MYO3A: variants seen among roughly 807,000 people sequenced by gnomAD.
MYO3A encodes the protein myosin IIIA.
A neutral mutation model predicts 192.7 loss-of-function variants in MYO3A; 180 were observed. That is an observed-to-expected ratio of 0.93 (90% CI 0.83 to 1.06). The LOEUF is 1.06. Ranked by LOEUF, MYO3A falls within the 50% of genes least tolerant of loss-of-function variation. The pLI, the probability that MYO3A is intolerant of heterozygous loss-of-function variation, is 0.00. For missense variants in MYO3A, 1,896 were observed against 1,905.0 expected (o/e 1.00, Z 0.09); for synonymous variants, 628 against 645.3 (o/e 0.97, Z 0.41).
intron 4 of MYO3A, among the ~76,000 whole-genome samples, chr10:25,972,974 C>A (rs547258163): frequency 6.6e-6 from 1 of 152,120 alleles, no homozygotes; most frequent in Non-Finnish European, 1.5e-5. Context: ...GACAGTTCTT[C>A]TTAGCTGTTT....
At chr10:26,082,738 CTTTCTCTCTCTCTCTT>C (rs1564530749) in intron 14 of MYO3A, among the ~76,000 whole-genome samples, 2 of 138,764 alleles carry the variant, frequency 1.4e-5, no homozygotes, top group African/African-American at 5.1e-5. Flanking sequence ...AATATGGTCT[CTTTCTCTCTCTCTCTT>C]TTTCTCTCTC....
At chr10:26,169,898 T>TC (rs1369770485) in intron 28 of MYO3A, among the ~76,000 whole-genome samples, 2 of 152,162 alleles carry the variant, frequency 1.3e-5, no homozygotes, top group Non-Finnish European at 2.9e-5. Flanking sequence ...AGTTCTTTAC[T>TC]CCCCCAACTT....
At chr10:26,183,740 T>C (rs969081339) in intron 31 of MYO3A, among the ~76,000 whole-genome samples, 2 of 151,964 alleles carry the variant, frequency 1.3e-5, no homozygotes, top group African/African-American at 4.8e-5. Context: ...AGAATGGGGC[T>C]GGGGGTGGCA....
intron 2 of MYO3A, among the ~76,000 whole-genome samples, chr10:25,939,317 A>G (rs1157533685): frequency 6.6e-6 from 1 of 151,910 alleles, no homozygotes; most frequent in East Asian, 1.9e-4. Context: ...AAGAACTATT[A>G]CATTTATGAA....
intron 4 of MYO3A, among the ~76,000 whole-genome samples, chr10:25,977,633 TAAATA>T (rs2130774947): frequency 6.6e-6 from 1 of 152,282 alleles, no homozygotes; most frequent in Non-Finnish European, 1.5e-5. Context: ...CAGTGTAACT[TAAATA>T]AAATGAATGA....
intron 32 of MYO3A, among the ~76,000 whole-genome samples, chr10:26,198,622 A>G (rs1001996723): frequency 1.3e-5 from 2 of 152,240 alleles, no homozygotes; most frequent in East Asian, 3.8e-4. Context: ...TGTGCTCACC[A>G]TGATGTAATG....
intron 34 of MYO3A, among the ~76,000 whole-genome samples, chr10:26,205,920 G>A (rs1257058058): frequency 1.3e-5 from 2 of 149,516 alleles, no homozygotes; most frequent in African/African-American, 2.5e-5. Context: ...TGCCCAGCCG[G>A]ATTTCTTTCT....
At chr10:26,073,581 A>C (rs1835347366) in intron 14 of MYO3A, among the ~76,000 whole-genome samples, 1 of 62,978 alleles carries the variant, frequency 1.6e-5, no homozygotes, top group Admixed American at 1.4e-4. Flanking sequence ...CAACAGTGCA[A>C]GATTGCGCCA....
intron 2 of MYO3A, among the ~76,000 whole-genome samples, chr10:25,939,309 G>T: frequency 6.6e-6 from 1 of 151,574 alleles, no homozygotes; most frequent in Non-Finnish European, 1.5e-5. Flanking sequence ...TATCTTTAAA[G>T]AACTATTACA....
At chr10:26,032,489 A>G (rs1588825225) in intron 10 of MYO3A, among the ~76,000 whole-genome samples, 1 of 152,060 alleles carries the variant, frequency 6.6e-6, no homozygotes. Flanking sequence ...GGTGGCAGGC[A>G]CCTCTAATCC....
At chr10:25,936,609 T>C (rs1226151671) in intron 2 of MYO3A, among the ~76,000 whole-genome samples, 2 of 152,182 alleles carry the variant, frequency 1.3e-5, no homozygotes, top group African/African-American at 2.4e-5. Flanking sequence ...AGCTTTCAAA[T>C]TGATACACAG....
intron 6 of MYO3A, among the ~76,000 whole-genome samples, chr10:26,001,768 G>C (rs1267419591): frequency 6.6e-6 from 1 of 152,202 alleles, no homozygotes; most frequent in African/African-American, 2.4e-5. Context: ...GATTACTTGA[G>C]CCCAGGAGTT....
At chr10:26,020,620 G>A (rs1285169079) in intron 7 of MYO3A, among the ~76,000 whole-genome samples, 1 of 152,142 alleles carries the variant, frequency 6.6e-6, no homozygotes, top group African/African-American at 2.4e-5. Context: ...GGGTTGGCAT[G>A]TACAAAACAT....
intron 6 of MYO3A, among the ~76,000 whole-genome samples, chr10:25,997,923 C>A (rs1840555342): frequency 6.6e-6 from 1 of 152,180 alleles, no homozygotes; most frequent in Non-Finnish European, 1.5e-5. Context: ...TCCATATTTA[C>A]TAAACTTTCT....
intron 10 of MYO3A, among the ~76,000 whole-genome samples, chr10:26,051,303 G>T (rs758744750): frequency 1.3e-4 from 20 of 151,932 alleles, no homozygotes; most frequent in Admixed American, 2.6e-4. Context: ...AGATTAGAAA[G>T]AATTTAATAT....
intron 29 of MYO3A, among the ~76,000 whole-genome samples, chr10:26,173,289 T>C (rs1438084187): frequency 1.3e-5 from 2 of 152,218 alleles, no homozygotes; most frequent in Non-Finnish European, 2.9e-5. Context: ...TGCTTACTGG[T>C]ATCAAACTTA....
intron 25 of MYO3A, among the ~76,000 whole-genome samples, chr10:26,156,131 A>G (rs1204082468): frequency 1.3e-5 from 2 of 152,204 alleles, no homozygotes; most frequent in African/African-American, 2.4e-5. Flanking sequence ...CGCACGAGTA[A>G]AGGAATGATG....
intron 6 of MYO3A, among the ~76,000 whole-genome samples, chr10:26,010,462 TTTTTTTTTTGTTTTG>T (rs1195894169): frequency 4.3e-4 from 59 of 136,894 alleles, no homozygotes; most frequent in African/African-American, 1.9e-3. Context: ...TTTTTTTTTT[TTTTTTTTTTGTTTTG>T]TTTTTTTATG....
intron 14 of MYO3A, among the ~76,000 whole-genome samples, chr10:26,078,130 CTT>C (rs57336459): frequency 0.13 from 16,250 of 122,298 alleles, 1,367 homozygotes; most frequent in South Asian, 0.26. Flanking sequence ...TGGTCCTGGA[CTT>C]TTTTTTTTTT....
Sources: gnomAD v4.1 joint callset for allele counts (sites outside exome capture counted in the v4.1 genomes callset) on GRCh38, gnomAD v4.1.1 for gene constraint, MANE v1.5 for transcripts, NCBI Gene and HGNC (gene_info 2026-07-23, HGNC 2026-07-21) for gene names.